Variants in PIAS1 observed in about 807,000 individuals in gnomAD.
The protein encoded by PIAS1 is E3 SUMO-protein ligase PIAS1.
In PIAS1, 6 loss-of-function variants were observed where a neutral mutation model predicts 71.3. The observed-to-expected ratio is 0.08, with a 90% confidence interval of 0.05 to 0.17. The LOEUF (loss-of-function observed/expected upper bound fraction) is 0.17, where lower values mean the gene tolerates loss of function less well. PIAS1 is among the 10% of genes least tolerant of loss of function. PIAS1 has a pLI of 1.00. For synonymous variants in PIAS1, 303 were observed against 292.9 expected, an observed-to-expected ratio of 1.03 and a Z score of -0.35; for missense variants, 555 against 793.6, an observed-to-expected ratio of 0.70 and a Z score of 3.61.
At chr15:68,058,841 G>A in intron 1 of PIAS1, among the ~76,000 whole-genome samples, 1 of 152,048 alleles carries the variant, frequency 6.6e-6, no homozygotes, top group East Asian at 1.9e-4. Flanking sequence ...CTCTCTGTGA[G>A]CATATGTATA....
At chr15:68,134,869 C>T (rs1373031064) in intron 2 of PIAS1, among the ~76,000 whole-genome samples, 3 of 49,740 alleles carry the variant, frequency 6.0e-5, no homozygotes, top group Non-Finnish European at 1.6e-4. Flanking sequence ...CCCTCCCGGA[C>T]GGGGCGGCTG....
intron 7 of PIAS1, among the ~76,000 whole-genome samples, chr15:68,162,953 C>G (rs781506096): frequency 1.3e-5 from 2 of 152,186 alleles, no homozygotes; most frequent in Non-Finnish European, 2.9e-5. Flanking sequence ...CCATGCCCTC[C>G]AGCTGATTTG....
rs1324738147 is a variant in PIAS1, at chr15:68,182,487, C to CTGTGTGTGTGTG, written c.1624+1135_1624+1136insTGTGTGTGTGTG. On this transcript the variant is annotated intron_variant, in intron 12 of 13. Coordinates refer to ENST00000249636, the MANE Select transcript of PIAS1 (RefSeq NM_016166.3). ...CGGAGTTTTGCTCTTATTGCTCAGG[C>CTGTGTGTGTGTG]TGCGTGTGTGTGTGTGTGTGTGTGT... 9.9e-4 allele frequency among the ~76,000 whole-genome samples: 13 copies of CTGTGTGTGTGTG among 13,170 alleles called. No homozygotes were observed. The South Asian group carries it at 0.029, about 29-fold the overall frequency. The allele number at this position is 13,170 out of a possible 152,430, so 8.6% of individuals were successfully genotyped here. A position where few individuals can be genotyped will look rare whatever the true frequency, so the allele number is the denominator to read the frequency against.
chr15:68,192,408 A>G lies in PIAS1; in HGVS notation c.*4573A>G, dbSNP rs770889157. ...TATTCTTAAGGCAGCCAAATCTCGT[A>G]AACCTCAGACCCCACAAAACATCTG... On this transcript the variant is annotated 3_prime_UTR_variant, in exon 14 of 14. Transcript: ENST00000249636. The G allele has an allele frequency of 3.9e-5, 6 of 152,216 alleles. No individual in the cohort carries two copies. Among genetic ancestry groups the G allele is most frequent in the Non-Finnish European group, 7.3e-5 (5 of 68,044 alleles). 9.4% of individuals were successfully genotyped at this position (152,216 alleles called of 1,614,324 possible). A position where few individuals can be genotyped will look rare whatever the true frequency, so the allele number is the denominator to read the frequency against.
intron 7 of PIAS1, among the ~76,000 whole-genome samples, chr15:68,157,864 G>A (rs907989653): frequency 6.6e-6 from 1 of 152,094 alleles, no homozygotes; most frequent in African/African-American, 2.4e-5. Context: ...TCAAATTCAA[G>A]TATTTAAAAC....
At position 68,188,758 on chromosome 15, in the gene PIAS1, C is replaced by T. The variant is rs1455851062; in HGVS notation, c.*923C>T. ...CCAGTATTGTGTATTTAAACCAAGT[C>T]TGTGAATACCTGCTTTTTTTGGCCA... On this transcript the variant is annotated 3_prime_UTR_variant, in exon 14 of 14. Transcript: ENST00000249636. 6.6e-6 allele frequency: 1 copy of T among 152,192 alleles called. No homozygotes were observed. The highest frequency in any genetic ancestry group is 2.4e-5 in the African/African-American group (1 of 41,454). 9.4% of individuals were successfully genotyped at this position (152,192 alleles called of 1,614,324 possible).
In PIAS1 at chr15:68,174,046, T is replaced by C. The variant is rs1298734841; in HGVS notation, c.1169+154T>C. On this transcript the variant is annotated intron_variant, in intron 9 of 13. Coordinates refer to ENST00000249636, the MANE Select transcript of PIAS1 (RefSeq NM_016166.3). This position sits in a 1 kb window ranked among gnomAD's most constrained non-coding sequence, Gnocchi z 4.0. ...ATTTTCAAAGTAATTTATTTCAAAT[T>C]AGTGTTATGAATATTTTATCTTTTT... Among the ~76,000 whole-genome samples the C allele has an allele frequency of 6.6e-6, 1 of 152,246 alleles. No homozygotes were observed. Among genetic ancestry groups the C allele is most frequent in the South Asian group, 2.1e-4 (1 of 4,838 alleles).
rs945261354 is a variant in PIAS1, at chr15:68,072,386, C to T, written c.25-13920C>T. On this transcript the variant is annotated intron_variant, in intron 1 of 13. Transcript: ENST00000249636. ...CTGCACTCCAGCCTGGGTGACAGAG[C>T]GAGACTCCATCTCAAAAAAAAAAAA... is the stretch of plus-strand genomic sequence containing the variant. Among the ~76,000 whole-genome samples the T allele has an allele frequency of 9.9e-4, 109 of 109,612 alleles. 1 individual carries two copies. The highest frequency in any genetic ancestry group is 3.8e-3 in the African/African-American group (99 of 25,968). 71.9% of individuals were successfully genotyped at this position (109,612 alleles called of 152,430 possible).
intron 7 of PIAS1, among the ~76,000 whole-genome samples, chr15:68,164,323 A>G (rs958248320): frequency 6.6e-6 from 1 of 152,114 alleles, no homozygotes; most frequent in African/African-American, 2.4e-5. Context: ...TGTTATTCTT[A>G]TTATTAATGT....
rs2093118393 is a variant in PIAS1 at position 68,191,237 on chromosome 15, C to T, written c.*3402C>T. ...ATAAAGTTACCATAAATTCCATGAACTTAAATCTGTGATTCATTGCCTTAA... is the reference window on the plus strand; with the variant it reads ...ATAAAGTTACCATAAATTCCATGAATTTAAATCTGTGATTCATTGCCTTAA... On this transcript the variant is annotated 3_prime_UTR_variant, in exon 14 of 14. Transcript: ENST00000249636. 1.3e-5 allele frequency: 2 copies of T among 152,608 alleles called. No homozygotes were observed. Among genetic ancestry groups the T allele is most frequent in the Non-Finnish European group, 2.9e-5 (2 of 68,036 alleles). The allele number at this position is 152,608 out of a possible 1,614,324, so 9.5% of individuals were successfully genotyped here. A position where few individuals can be genotyped will look rare whatever the true frequency, so the allele number is the denominator to read the frequency against.
rs3083984 is a variant in PIAS1, at chr15:68,177,278, C to CAA, written c.1481+642_1481+643dup. 8.6e-3 allele frequency among the ~76,000 whole-genome samples: 781 copies of CAA among 90,824 alleles called. 19 individuals carry two copies. The highest frequency in any genetic ancestry group is 0.019 in the African/African-American group (458 of 23,734). The allele number at this position is 90,824 out of a possible 152,430, so 59.6% of individuals were successfully genotyped here. ...TGGGCAACAGAGCGAGACTTTGTCT[C>CAA]AAAAAAAAAAAAAAAAAAAGAAAGA... is the stretch of plus-strand genomic sequence containing the variant. On this transcript the variant is annotated intron_variant, in intron 11 of 13. Transcript: ENST00000249636.
chr15:68,071,529 G>A (rs1474362427), intron 1 of PIAS1, among the ~76,000 whole-genome samples: 3 of 150,814 alleles, frequency 2.0e-5, no homozygotes, highest in South Asian at 2.1e-4. Flanking sequence ...TCATTCTTTT[G>A]AGGAGAAAAA....
rs766344324 is a variant in PIAS1 at position 68,179,564 on chromosome 15, CTTTTTTT to C, written c.1482-1626_1482-1620del. 4.8e-3 allele frequency among the ~76,000 whole-genome samples: 191 copies of C among 40,102 alleles called. 1 individual carries two copies. The highest frequency in any genetic ancestry group is 8.6e-3 in the Admixed American group (25 of 2,922). 26.3% of individuals were successfully genotyped at this position (40,102 alleles called of 152,430 possible). A position where few individuals can be genotyped will look rare whatever the true frequency, so the allele number is the denominator to read the frequency against. ...CAACCTTGTCATCTCGTGAAATGTT[CTTTTTTT>C]TTTTTTTTTTTTTTTTTTTTTGAGA... On this transcript the variant is annotated intron_variant, in intron 11 of 13. Transcript: ENST00000249636.
Position 68,188,018 on chromosome 15 carries a change from C to A in PIAS1, c.*183C>A. On this transcript the variant is annotated 3_prime_UTR_variant, in exon 14 of 14. Transcript: ENST00000249636. ...GAACAAAACTATATTTTCAGTTTTA[C>A]TTTTGTATATAAATCTAAGACTGCC... is the stretch of plus-strand genomic sequence containing the variant. 2.1e-6 allele frequency: 1 copy of A among 472,462 alleles called. No individual in the cohort carries two copies. 29.3% of individuals were successfully genotyped at this position (472,462 alleles called of 1,614,324 possible).
Position 68,086,819 on chromosome 15 carries a change from G to T in PIAS1, c.469+69G>T, listed in dbSNP as rs2092287421. On this transcript the variant is annotated intron_variant, in intron 2 of 13. Coordinates refer to ENST00000249636, the MANE Select transcript of PIAS1 (RefSeq NM_016166.3). The surrounding 1 kb of genome is among the most constrained non-coding windows in gnomAD (Gnocchi z 7.2). ...AATTTTCGTTTTAGGCTTTTACTTT[G>T]ACCCAGTTTATTATTCATAATGAAA... 1.2e-6 allele frequency: 1 copy of T among 852,098 alleles called. No homozygotes were observed. Among genetic ancestry groups the T allele is most frequent in the South Asian group, 1.7e-5 (1 of 58,692 alleles). 52.8% of individuals were successfully genotyped at this position (852,098 alleles called of 1,614,324 possible).
Position 68,176,695 on chromosome 15 carries a change from A to G in PIAS1, c.1481+41A>G. On this transcript the variant is annotated intron_variant, in intron 11 of 13. Coordinates refer to ENST00000249636, the MANE Select transcript of PIAS1 (RefSeq NM_016166.3). ...TTTAAAAAAAAAAGTAATCATGAAA[A>G]TTAACTTGGCAAATAGGGATTAAAG... 3 of 1,383,394 alleles carry G rather than the reference A, an allele frequency of 2.2e-6. 1 individual carries two copies. The South Asian group carries it at 4.3e-5, about 20-fold the overall frequency. The allele number at this position is 1,383,394 out of a possible 1,614,324, so 85.7% of individuals were successfully genotyped here. A position where few individuals can be genotyped will look rare whatever the true frequency, so the allele number is the denominator to read the frequency against.
intron 8 of PIAS1, among the ~76,000 whole-genome samples, chr15:68,169,933 C>T (rs1237092473): frequency 6.6e-6 from 1 of 151,966 alleles, no homozygotes; most frequent in African/African-American, 2.4e-5. Flanking sequence ...AGAATTCACA[C>T]AGTAGGTAGG....
intron 2 of PIAS1, among the ~76,000 whole-genome samples, chr15:68,101,592 C>T (rs1431821684): frequency 6.6e-6 from 1 of 152,184 alleles, no homozygotes; most frequent in Non-Finnish European, 1.5e-5. Flanking sequence ...CCTCAGCCTC[C>T]TGAGTAGCTG....
Position 68,054,434 on chromosome 15 carries a change from G to A in PIAS1, c.24+84G>A, listed in dbSNP as rs1488114974. ...CCAGGGGGGATGGGTCCGACCCTGG[G>A]GGGCCTCTCGGGCCTGACTCCACCC... On this transcript the variant is annotated intron_variant, in intron 1 of 13. Transcript: ENST00000249636. This position sits in a 1 kb window ranked among gnomAD's most constrained non-coding sequence, Gnocchi z 4.6. 1.3e-5 allele frequency: 18 copies of A among 1,407,514 alleles called. No individual in the cohort carries two copies. The highest frequency in any genetic ancestry group is 1.7e-5 in the Non-Finnish European group (17 of 1,020,666). 87.2% of individuals were successfully genotyped at this position (1,407,514 alleles called of 1,614,324 possible).
Sources: allele counts gnomAD v4.1 joint callset (sites outside exome capture counted in the v4.1 genomes callset), GRCh38; gene constraint gnomAD v4.1.1; non-coding constraint Gnocchi (gnomAD v3.1); transcripts MANE v1.5; gene names NCBI Gene and HGNC (gene_info 2026-07-23, HGNC 2026-07-21).